BROX: variants seen among roughly 807,000 people sequenced by gnomAD.
The protein encoded by BROX is BRO1 domain-containing protein BROX.
BROX carries 53 observed loss-of-function variants against 61.0 expected under a neutral mutation model. The ratio of observed to expected loss-of-function variants is 0.87; its 90% CI spans 0.70 to 1.09. The LOEUF (loss-of-function observed/expected upper bound fraction) is 1.09, where lower values mean the gene tolerates loss of function less well. Among genes scored for constraint, BROX ranks in the 50% least tolerant of loss-of-function variants. The pLI, the probability that BROX is intolerant of heterozygous loss-of-function variation, is 0.00. For missense variants in BROX, 489 were observed against 472.0 expected, an observed-to-expected ratio of 1.04 and a Z score of -0.33; for synonymous variants, 152 against 160.2, an observed-to-expected ratio of 0.95 and a Z score of 0.38.
chr1:222,724,716 T>G (rs1005631970), intron 6 of BROX, among the ~76,000 whole-genome samples: 36 of 152,238 alleles, frequency 2.4e-4, no homozygotes, highest in Non-Finnish European at 4.1e-4. Context: ...AGGCCAGTGT[T>G]GATTTTTTTC....
intron 9 of BROX, among the ~76,000 whole-genome samples, chr1:222,729,239 C>T (rs1657751434): frequency 6.6e-6 from 1 of 152,148 alleles, no homozygotes; most frequent in African/African-American, 2.4e-5. Flanking sequence ...ACCCACCAAA[C>T]TTAATTGTTT....
intron 12 of BROX, 91 bp downstream of exon 12, chr1:222,731,607 A>G: frequency 2.2e-6 from 3 of 1,337,578 alleles, no homozygotes; most frequent in Non-Finnish European, 3.1e-6. Context: ...CTAAATAGAT[A>G]CATATCTTTG....
rs1038517958 is a variant in BROX, at chr1:222,712,815, G to C, written c.-144G>C. 2 of 1,288,476 alleles carry C rather than the reference G, an allele frequency of 1.6e-6. No individual in the cohort carries two copies. The highest frequency in any genetic ancestry group is 5.6e-5 in the East Asian group (1 of 18,004). 79.8% of individuals were successfully genotyped at this position (1,288,476 alleles called of 1,614,324 possible). ...GGTCACGTGACTCCGGCTTGGCGCC[G>C]TCCTGGTTTTCCGTCACCCTGGTTC... On this transcript the variant is annotated 5_prime_UTR_variant, in exon 1 of 13. Coordinates refer to ENST00000340934, the MANE Select transcript of BROX (RefSeq NM_144695.4).
intron 4 of BROX, 106 bp downstream of exon 4, chr1:222,719,465 T>C: frequency 2.7e-6 from 2 of 739,078 alleles, no homozygotes; most frequent in Non-Finnish European, 4.6e-6. Context: ...ACAGGTCTGC[T>C]CAGCGTTTTC....
chr1:222,724,143 T>C lies in BROX; in HGVS notation c.453T>C (p.Ala151=). Reference sequence around the variant, plus strand: ...TTCATCGAAGCCTAAAGATTGCAGCTGGGATTTTTAAACATTTAAAGGTAA... The same window carrying C: ...TTCATCGAAGCCTAAAGATTGCAGCCGGGATTTTTAAACATTTAAAGGTAA... ...KEVHRSLKIA[A]GIFKHLKESH... is the part of the protein sequence containing the mutation. The change falls in exon 6 of 13, where the codon GCT becomes GCC. Residue 151 remains alanine (A), a synonymous_variant. Transcript: ENST00000340934. 2.5e-6 allele frequency: 4 copies of C among 1,611,588 alleles called. No homozygotes were observed. The East Asian group carries it at 6.7e-5, about 27-fold the overall frequency.
Position 222,732,658 on chromosome 1 carries a change from C to A in BROX, c.1180C>A (p.Pro394Thr), listed in dbSNP as rs1158337262. The A allele has an allele frequency of 1.2e-6, 2 of 1,613,484 alleles. No homozygotes were observed. Among genetic ancestry groups the A allele is most frequent in the East Asian group, 4.5e-5 (2 of 44,774 alleles). Residue 394 changes from proline to threonine, a missense_variant, in exon 13 of 13, where the codon CCT (proline) becomes ACT (threonine). Pro to Thr is a conservative substitution (Grantham distance 38). Coordinates refer to ENST00000340934, the MANE Select transcript of BROX (RefSeq NM_144695.4). The part of the protein sequence containing the change: ...TKPKPEEEVK[P>T]VKEPDIKPQK... ...ACCCAAACCAGAAGAAGAAGTGAAACCTGTGAAAGAACCAGACATCAAACC... is the reference window on the plus strand; with the variant it reads ...ACCCAAACCAGAAGAAGAAGTGAAAACTGTGAAAGAACCAGACATCAAACC...
At chr1:222,732,574 T>C (rs1205554718) in intron 12 of BROX, 54 bp from the exon 13 acceptor site, 2 of 1,283,626 alleles carry the variant, frequency 1.6e-6, no homozygotes. Context: ...AGATTTAGTG[T>C]TTGTTTTCTC....
At chr1:222,732,184 G>T (rs1437444344) in intron 12 of BROX, among the ~76,000 whole-genome samples, 2 of 151,954 alleles carry the variant, frequency 1.3e-5, no homozygotes, top group Non-Finnish European at 1.5e-5. Context: ...GCTGTCATAA[G>T]TTATGTCTAA....
intron 5 of BROX, among the ~76,000 whole-genome samples, 172 bp from the exon 6 acceptor site, chr1:222,723,920 A>G (rs554965536): frequency 5.9e-5 from 9 of 152,292 alleles, no homozygotes; most frequent in South Asian, 4.1e-4. Context: ...CGGCCTCCCA[A>G]AGTGCTAGGA....
chr1:222,712,644 G>A lies in BROX; in HGVS notation c.-315G>A, dbSNP rs889983342. ...GGGGCAACTCTTCTCTTCCTGTCTG[G>A]GAAAAAGACCATAGCTCAAAAGGAA... On this transcript the variant is annotated 5_prime_UTR_variant, in exon 1 of 13. Transcript: ENST00000340934. The A allele has an allele frequency of 2.3e-6, 3 of 1,316,918 alleles. No individual in the cohort carries two copies. Among genetic ancestry groups the A allele is most frequent in the Non-Finnish European group, 3.0e-6 (3 of 1,005,906 alleles). 81.6% of individuals were successfully genotyped at this position (1,316,918 alleles called of 1,614,324 possible). A position where few individuals can be genotyped will look rare whatever the true frequency, so the allele number is the denominator to read the frequency against.
intron 6 of BROX, among the ~76,000 whole-genome samples, chr1:222,724,857 C>G (rs188743017): frequency 6.6e-6 from 1 of 151,992 alleles, no homozygotes; most frequent in Non-Finnish European, 1.5e-5. Context: ...TGCAGTGATG[C>G]GATCTTGGCT....
chr1:222,715,446 G>A (rs539504411), intron 1 of BROX, among the ~76,000 whole-genome samples: 178 of 152,202 alleles, frequency 1.2e-3, no homozygotes, highest in African/African-American at 3.9e-3. Context: ...GGTGGCTCAC[G>A]CCTGTAATCC....
chr1:222,718,878 T>G (rs192920101), intron 2 of BROX, 47 bp from the exon 3 acceptor site: 26 of 1,463,636 alleles, frequency 1.8e-5, no homozygotes, highest in Non-Finnish European at 2.2e-5. Context: ...TTATGTAGAT[T>G]GATTGCAGTA....
At position 222,719,106 on chromosome 1, in the gene BROX, A is replaced by T. The variant is rs138642708; in HGVS notation, c.208+75A>T. 3.2e-4 allele frequency: 445 copies of T among 1,401,824 alleles called. 2 individuals carry two copies. In the African/African-American group the frequency reaches 5.5e-3, roughly 17 times the overall value. 86.8% of individuals were successfully genotyped at this position (1,401,824 alleles called of 1,614,324 possible). On this transcript the variant is annotated intron_variant, in intron 3 of 12. Coordinates refer to ENST00000340934, the MANE Select transcript of BROX (RefSeq NM_144695.4). ...TTACATTTAATTCTTTGACTTTTCA[A>T]ATTTGATTAGTTTACTCTTCCAGAC...
Position 222,727,205 on chromosome 1 carries a change from T to C in BROX, c.618T>C (p.Pro206=), listed in dbSNP as rs770959156. The change falls in exon 8 of 13, where the codon CCT becomes CCC. Residue 206 remains proline (P), a synonymous_variant. Coordinates refer to ENST00000340934, the MANE Select transcript of BROX (RefSeq NM_144695.4). ...GAGCAATTGAACTAAAACATGCTCCTGGACTAATTGCTGCACTGGCGTATG... is the reference window on the plus strand; with the variant it reads ...GAGCAATTGAACTAAAACATGCTCCCGGACTAATTGCTGCACTGGCGTATG... ...IARAIELKHA[P]GLIAALAYET... 1.2e-5 allele frequency: 19 copies of C among 1,613,840 alleles called. No individual in the cohort carries two copies. The highest frequency in any genetic ancestry group is 1.5e-5 in the Non-Finnish European group (18 of 1,179,856).
intron 4 of BROX, among the ~76,000 whole-genome samples, chr1:222,721,491 A>C (rs1657097747): frequency 6.6e-6 from 1 of 151,702 alleles, no homozygotes; most frequent in Admixed American, 6.6e-5. Flanking sequence ...CTTTTTGGGT[A>C]GCTTTTCTGT....
intron 2 of BROX, among the ~76,000 whole-genome samples, chr1:222,716,447 A>C (rs1217413653): frequency 6.6e-6 from 1 of 152,218 alleles, no homozygotes; most frequent in Non-Finnish European, 1.5e-5. Flanking sequence ...TTGACTTCAG[A>C]ATAAGGAGAG....
chr1:222,728,757 AGTT>A lies in BROX; in HGVS notation c.686_688del (p.Ser229_Leu230delinsMet). ...TGTAACTTTAGATCATACTTTATCC[AGTT>A]TGGAGCCTGCATATTCTGCCAAATG... On this transcript the variant is annotated inframe_deletion, in exon 9 of 13. Transcript: ENST00000340934. The A allele has an allele frequency of 6.3e-7, 1 of 1,598,342 alleles. No individual in the cohort carries two copies. The highest frequency in any genetic ancestry group is 2.2e-5 in the East Asian group (1 of 44,674).
intron 2 of BROX, among the ~76,000 whole-genome samples, chr1:222,716,846 A>G (rs543817255): frequency 1.6e-4 from 24 of 152,272 alleles, no homozygotes; most frequent in Non-Finnish European, 3.2e-4. Flanking sequence ...GATAGTGAGT[A>G]GAGCAGTTTG....
Sources: allele counts gnomAD v4.1 joint callset (sites outside exome capture counted in the v4.1 genomes callset), GRCh38; gene constraint gnomAD v4.1.1; transcripts MANE v1.5; gene names NCBI Gene and HGNC (gene_info 2026-07-23, HGNC 2026-07-21).